ELOVL6: variants seen among roughly 807,000 people sequenced by gnomAD.
ELOVL6 encodes very long chain fatty acid elongase 6.
Under a neutral mutation model 31.7 loss-of-function variants are expected in ELOVL6, and 8 were observed. The observed-to-expected ratio is 0.25, with a 90% CI of 0.15 to 0.45. The LOEUF is 0.45. Among genes scored for constraint, ELOVL6 ranks in the 20% least tolerant of loss-of-function variants. The pLI is 1.00. For missense variants in ELOVL6, 126 were observed against 326.4 expected, an observed-to-expected ratio of 0.39 and a Z score of 4.73; for synonymous variants, 101 against 117.7, an observed-to-expected ratio of 0.86 and a Z score of 0.92.
At chr4:110,125,890 G>T (rs925320806) in intron 1 of ELOVL6, among the ~76,000 whole-genome samples, 1 of 151,832 alleles carries the variant, frequency 6.6e-6, no homozygotes, top group Non-Finnish European at 1.5e-5. Context: ...ATTCATGTGG[G>T]TTATAAAAAG....
At chr4:110,158,091 T>C in intron 1 of ELOVL6, among the ~76,000 whole-genome samples, 1 of 152,238 alleles carries the variant, frequency 6.6e-6, no homozygotes, top group East Asian at 1.9e-4. Flanking sequence ...TAACACATGG[T>C]TTCAGAAAAT....
intron 2 of ELOVL6, among the ~76,000 whole-genome samples, chr4:110,085,703 T>C (rs1756244617): frequency 1.3e-5 from 2 of 152,112 alleles, no homozygotes; most frequent in African/African-American, 2.4e-5. Context: ...AAAATGCAGA[T>C]TTCCAAACTT....
At chr4:110,162,215 A>G (rs1363277328) in intron 1 of ELOVL6, among the ~76,000 whole-genome samples, 1 of 152,258 alleles carries the variant, frequency 6.6e-6, no homozygotes, top group Admixed American at 6.5e-5. Context: ...CCCATAGTAA[A>G]ATTAATTATA....
intron 2 of ELOVL6, among the ~76,000 whole-genome samples, chr4:110,103,386 T>C (rs977038805): frequency 6.6e-6 from 1 of 151,952 alleles, no homozygotes; most frequent in Admixed American, 6.6e-5. Flanking sequence ...CACTGGCATA[T>C]GAAAAAGTAC....
chr4:110,183,707 T>C (rs984775881), intron 1 of ELOVL6, among the ~76,000 whole-genome samples: 1 of 152,176 alleles, frequency 6.6e-6, no homozygotes, highest in African/African-American at 2.4e-5. Context: ...GAAGTCTTTT[T>C]TTAAAAGTCA....
chr4:110,108,296 G>T (rs1756940221), intron 1 of ELOVL6, among the ~76,000 whole-genome samples: 1 of 152,040 alleles, frequency 6.6e-6, no homozygotes, highest in Admixed American at 6.5e-5. Flanking sequence ...TGTATTACTT[G>T]CAATCATAAA....
At chr4:110,057,539 T>C (rs993320757) in intron 3 of ELOVL6, among the ~76,000 whole-genome samples, 1 of 151,944 alleles carries the variant, frequency 6.6e-6, no homozygotes, top group African/African-American at 2.4e-5. Context: ...TTTAATAACG[T>C]GTAATTTTAT....
At chr4:110,083,985 TACG>T (rs1336297076) in intron 2 of ELOVL6, among the ~76,000 whole-genome samples, 1 of 74,300 alleles carries the variant, frequency 1.3e-5, no homozygotes, top group Admixed American at 1.2e-4. Context: ...ATATGCCATA[TACG>T]ATATATAACA....
intron 1 of ELOVL6, among the ~76,000 whole-genome samples, chr4:110,193,647 C>A (rs377272382): frequency 6.6e-6 from 1 of 152,112 alleles, no homozygotes; most frequent in African/African-American, 2.4e-5. Flanking sequence ...TCCATTTTTA[C>A]CTTTGGTAAA....
At chr4:110,053,143 G>C (rs1244940847) in intron 3 of ELOVL6, among the ~76,000 whole-genome samples, 1 of 152,144 alleles carries the variant, frequency 6.6e-6, no homozygotes. Flanking sequence ...TTGAACTCCT[G>C]AGCTCAAGCT....
intron 1 of ELOVL6, among the ~76,000 whole-genome samples, chr4:110,145,708 A>C (rs199798266): frequency 8.5e-5 from 12 of 141,992 alleles, no homozygotes; most frequent in African/African-American, 1.8e-4. Context: ...AAAAAAAAAA[A>C]ACACAAAACA....
rs3033269 is a variant in ELOVL6, at chr4:110,111,358, C to CTTTTTTT, written c.90-5737_90-5731dup. ...AATTCCCTTTGTTTCCTTAGAATTCCTTTTTTTTTTTCAGTAGCTGATGAA... is the reference window on the plus strand; with the variant it reads ...AATTCCCTTTGTTTCCTTAGAATTCCTTTTTTTTTTTTTTTTTTCAGTAGCTGATGAA... On this transcript the variant is annotated intron_variant, in intron 1 of 3. Transcript: ENST00000302274. Among the ~76,000 whole-genome samples the CTTTTTTT allele has an allele frequency of 1.7e-4, 24 of 144,942 alleles. 1 individual carries two copies. Among genetic ancestry groups the CTTTTTTT allele is most frequent in the South Asian group, 6.6e-4 (3 of 4,568 alleles).
intron 3 of ELOVL6, among the ~76,000 whole-genome samples, chr4:110,055,968 G>A (rs2047620531): frequency 1.3e-5 from 2 of 152,134 alleles, no homozygotes; most frequent in South Asian, 4.1e-4. Flanking sequence ...TTTATTAAGA[G>A]TTTAGTGAAG....
chr4:110,109,411 C>T (rs1420893512), intron 1 of ELOVL6, among the ~76,000 whole-genome samples: 1 of 152,134 alleles, frequency 6.6e-6, no homozygotes, highest in Non-Finnish European at 1.5e-5. Flanking sequence ...TGCTTTAATT[C>T]TGTCAAGCTT....
chr4:110,097,945 G>A (rs1756634348), intron 2 of ELOVL6, among the ~76,000 whole-genome samples: 2 of 152,164 alleles, frequency 1.3e-5, no homozygotes, highest in African/African-American at 4.8e-5. Flanking sequence ...AAAATAGGAG[G>A]CTAAGGGAGT....
chr4:110,104,916 T>C (rs749092004), intron 2 of ELOVL6, among the ~76,000 whole-genome samples: 27 of 152,192 alleles, frequency 1.8e-4, no homozygotes, highest in Non-Finnish European at 3.5e-4. Flanking sequence ...ACAGTCTCTG[T>C]GTTGAGTTCT....
chr4:110,081,249 G>A (rs1321549355), intron 2 of ELOVL6, among the ~76,000 whole-genome samples: 1 of 152,072 alleles, frequency 6.6e-6, no homozygotes, highest in Admixed American at 6.6e-5. Context: ...CCACTTTAAA[G>A]TTCATATGGA....
At chr4:110,148,949 C>T (rs1332635197) in intron 1 of ELOVL6, among the ~76,000 whole-genome samples, 3 of 152,216 alleles carry the variant, frequency 2.0e-5, no homozygotes, top group African/African-American at 4.8e-5. Context: ...CAAGGTCAAT[C>T]TCCCAGGCTC....
At chr4:110,102,277 G>A (rs1478386517) in intron 2 of ELOVL6, among the ~76,000 whole-genome samples, 2 of 152,132 alleles carry the variant, frequency 1.3e-5, no homozygotes, top group Admixed American at 6.5e-5. Context: ...AATTTTAAAT[G>A]AAAGAGAACA....
Sources: gnomAD v4.1 joint callset for allele counts (sites outside exome capture counted in the v4.1 genomes callset) on GRCh38, gnomAD v4.1.1 for gene constraint, MANE v1.5 for transcripts, NCBI Gene and HGNC (gene_info 2026-07-23, HGNC 2026-07-21) for gene names.